The following TET1 variants were observed in gnomAD, a reference collection of about 807,000 sequenced individuals.
The protein encoded by TET1 is tet methylcytosine dioxygenase 1.
A neutral mutation model predicts 148.7 loss-of-function variants in TET1; 13 were observed. The observed-to-expected ratio is 0.09, with a 90% confidence interval of 0.06 to 0.14. TET1 has a LOEUF of 0.14. Ranked by LOEUF, TET1 falls within the 10% of genes least tolerant of loss-of-function variation. The pLI is 1.00. For synonymous variants in TET1, 907 were observed against 937.2 expected, an observed-to-expected ratio of 0.97 and a Z score of 0.59; for missense variants, 2,182 against 2,553.8, an observed-to-expected ratio of 0.85 and a Z score of 3.14.
rs1198639936 is a variant in TET1, at chr10:68,622,164, CCCTTCCTTCCTTCCTTCCTT to C, written c.1968+21169_1968+21188del. On this transcript the variant is annotated intron_variant, in intron 3 of 11. Transcript: ENST00000373644. ...CAGGATTCCATATAGGATACCTATG[CCCTTCCTTCCTTCCTTCCTT>C]CCTTCCTTCCTTCCTTCCTTCCTTC... 7.3e-4 allele frequency among the ~76,000 whole-genome samples: 91 copies of C among 124,070 alleles called. 1 individual carries two copies. In the East Asian group the frequency reaches 9.8e-3, roughly 13 times the overall value. 81.4% of individuals were successfully genotyped at this position (124,070 alleles called of 152,430 possible). A position where few individuals can be genotyped will look rare whatever the true frequency, so the allele number is the denominator to read the frequency against.
chr10:68,670,775 G>A (rs575338356), intron 7 of TET1, among the ~76,000 whole-genome samples: 54 of 152,088 alleles, frequency 3.6e-4, no homozygotes, highest in African/African-American at 1.3e-3. Context: ...GAATTTCATC[G>A]TAGTCTTTCT....
At chr10:68,678,288 G>T (rs1030746699) in intron 8 of TET1, among the ~76,000 whole-genome samples, 5 of 152,208 alleles carry the variant, frequency 3.3e-5, no homozygotes, top group African/African-American at 1.2e-4. Context: ...GACCAGGTTT[G>T]TAGAGGGCAG....
intron 2 of TET1, among the ~76,000 whole-genome samples, chr10:68,581,755 G>A (rs2053800584): frequency 6.6e-6 from 1 of 151,934 alleles, no homozygotes. Flanking sequence ...TGAGGCAGGA[G>A]GATAGCTTGA....
Position 68,574,095 on chromosome 10 carries a change from A to G in TET1, c.1757A>G (p.Lys586Arg), listed in dbSNP as rs765840106. 1 of 1,614,074 alleles carries G rather than the reference A, an allele frequency of 6.2e-7. No individual in the cohort carries two copies. The highest frequency in any genetic ancestry group is 1.3e-5 in the African/African-American group (1 of 74,948). The change falls in exon 2 of 12, where the codon AAG becomes AGG. Residue 586 changes from lysine to arginine, a missense_variant. By Grantham distance (26) the Lys-to-Arg change is conservative. Transcript: ENST00000373644. ...YTTLLPTLEK[K>R]KRKRCGVCEP... is the part of the protein sequence containing the mutation. ...ACTTTGCTACCGACTTTGGAAAAGA[A>G]GAAAAGAAAGCGATGTGGGGTCTGT...
intron 1 of TET1, among the ~76,000 whole-genome samples, chr10:68,570,741 T>C (rs1285187635): frequency 6.6e-6 from 1 of 151,668 alleles, no homozygotes; most frequent in Non-Finnish European, 1.5e-5. Flanking sequence ...GCCATTCTCC[T>C]GCCTCAGCCT....
intron 3 of TET1, among the ~76,000 whole-genome samples, chr10:68,615,356 C>CTTTTTTTTTT (rs71019038): frequency 4.0e-4 from 58 of 145,346 alleles, no homozygotes; most frequent in African/African-American, 1.4e-3. Context: ...CTTTTCTTTT[C>CTTTTTTTTTT]TTTTTTTGAG....
rs115836325 is a variant in TET1, at chr10:68,647,875, G to A, written c.4276+870G>A. 8.2e-3 allele frequency among the ~76,000 whole-genome samples: 1,250 copies of A among 152,216 alleles called. 16 individuals are homozygous for A. Among genetic ancestry groups the A allele is most frequent in the African/African-American group, 0.029 (1,198 of 41,528 alleles). ...TCTGTCCAGTACAAGATCTAATACTGTCTTTTTTTGTCCAAAGAGCACTTG... is the reference window on the plus strand; with the variant it reads ...TCTGTCCAGTACAAGATCTAATACTATCTTTTTTTGTCCAAAGAGCACTTG... On this transcript the variant is annotated intron_variant, in intron 4 of 11. Coordinates refer to ENST00000373644, the MANE Select transcript of TET1 (RefSeq NM_030625.3).
intron 3 of TET1, among the ~76,000 whole-genome samples, chr10:68,621,969 G>T (rs754782849): frequency 3.1e-4 from 47 of 152,052 alleles, no homozygotes; most frequent in Non-Finnish European, 6.3e-4. Context: ...GATTACAAAA[G>T]TAGTACAAAG....
At chr10:68,574,365 A>C (rs1423625100) in intron 2 of TET1, 113 bp downstream of exon 2, 2 of 826,864 alleles carry the variant, frequency 2.4e-6, no homozygotes, top group African/African-American at 3.5e-5. Context: ...TTGCTTCACT[A>C]TTACATATTT....
intron 2 of TET1, among the ~76,000 whole-genome samples, chr10:68,593,140 G>A (rs1589058822): frequency 6.7e-6 from 1 of 149,508 alleles, no homozygotes; most frequent in East Asian, 2.0e-4. Flanking sequence ...GCTGAGGCAG[G>A]AGAATCGCTT....
intron 3 of TET1, among the ~76,000 whole-genome samples, chr10:68,643,331 C>T (rs1367679022): frequency 6.8e-6 from 1 of 146,002 alleles, no homozygotes; most frequent in Non-Finnish European, 1.5e-5. Flanking sequence ...AAGACCCAAA[C>T]ACTAAAAATA....
intron 3 of TET1, among the ~76,000 whole-genome samples, chr10:68,615,808 C>T (rs753224948): frequency 1.1e-4 from 16 of 151,420 alleles, no homozygotes; most frequent in Admixed American, 2.0e-4. Flanking sequence ...CGCCTACGCC[C>T]GGCTAATTTT....
intron 4 of TET1, among the ~76,000 whole-genome samples, chr10:68,651,265 T>C (rs892465896): frequency 4.6e-5 from 7 of 152,106 alleles, no homozygotes; most frequent in African/African-American, 1.7e-4. Context: ...CTGGCTAACA[T>C]GGTGAAACCC....
rs750943596 is a variant in TET1, at chr10:68,652,576, G to C, written c.4443G>C (p.Gly1481=). The change falls in exon 6 of 12, where the codon GGG becomes GGC. Residue 1481 remains glycine, a synonymous_variant. Coordinates refer to ENST00000373644, the MANE Select transcript of TET1 (RefSeq NM_030625.3). The part of the protein sequence containing the change: ...YTGKEGKSSH[G]CPIAKWVLRR... ...GTAAAGAAGGGAAAAGCTCTCATGG[G>C]TGTCCAATTGCTAAGTGGGTAAGTA... The C allele has an allele frequency of 9.3e-6, 15 of 1,610,154 alleles. No homozygotes were observed. Among genetic ancestry groups the C allele is most frequent in the Non-Finnish European group, 1.2e-5 (14 of 1,177,792 alleles).
intron 8 of TET1, among the ~76,000 whole-genome samples, chr10:68,678,822 A>G (rs548989344): frequency 2.8e-4 from 42 of 152,280 alleles, no homozygotes; most frequent in African/African-American, 8.7e-4. Context: ...TGTTCATTCT[A>G]ATGAAATAAT....
At chr10:68,612,736 G>T (rs1158778170) in intron 3 of TET1, among the ~76,000 whole-genome samples, 1 of 151,922 alleles carries the variant, frequency 6.6e-6, no homozygotes, top group Non-Finnish European at 1.5e-5. Flanking sequence ...TCCCACCTCA[G>T]TCCCCCAAGT....
At chr10:68,603,018 AT>A (rs1222202918) in intron 3 of TET1, among the ~76,000 whole-genome samples, 1 of 152,224 alleles carries the variant, frequency 6.6e-6, no homozygotes, top group African/African-American at 2.4e-5. Flanking sequence ...CATAAAAAAA[AT>A]GAAACCTGTG....
intron 3 of TET1, among the ~76,000 whole-genome samples, chr10:68,603,163 CATT>C (rs927902962): frequency 1.2e-4 from 18 of 152,078 alleles, no homozygotes; most frequent in Middle Eastern, 3.2e-3. Context: ...GGTCTTCCAT[CATT>C]ATTTGCTGTC....
At chr10:68,588,818 G>A (rs1589055590) in intron 2 of TET1, among the ~76,000 whole-genome samples, 1 of 131,228 alleles carries the variant, frequency 7.6e-6, no homozygotes, top group African/African-American at 2.7e-5. Flanking sequence ...GTGAGACCCT[G>A]TCTCAAAAAA....
Sources: gnomAD v4.1 joint callset for allele counts (sites outside exome capture counted in the v4.1 genomes callset) on GRCh38, gnomAD v4.1.1 for gene constraint, MANE v1.5 for transcripts, NCBI Gene and HGNC (gene_info 2026-07-23, HGNC 2026-07-21) for gene names.